Variants in SEPHS1 observed in about 807,000 individuals in gnomAD.
SEPHS1 encodes the protein zincore component SEPHS1.
In SEPHS1, 7 loss-of-function variants were observed where a neutral mutation model predicts 39.2. The ratio of observed to expected loss-of-function variants is 0.18; its 90% CI spans 0.10 to 0.34. SEPHS1 has a LOEUF of 0.34. SEPHS1 is among the 10% of genes least tolerant of loss of function. The pLI is 1.00. For missense variants in SEPHS1, 253 were observed against 514.5 expected (o/e 0.49, Z 4.92); for synonymous variants, 190 against 195.5 (o/e 0.97, Z 0.23).
intron 7 of SEPHS1, among the ~76,000 whole-genome samples, chr10:13,325,038 C>CTT (rs769113016): frequency 8.3e-4 from 126 of 152,106 alleles, no homozygotes; most frequent in Middle Eastern, 6.8e-3. Context: ...TTTAAGAGTC[C>CTT]TTTGTATATT....
intron 8 of SEPHS1, among the ~76,000 whole-genome samples, chr10:13,322,327 G>GA (rs1833142401): frequency 1.3e-5 from 2 of 151,572 alleles, no homozygotes; most frequent in African/African-American, 4.8e-5. Context: ...TGTATTTTTA[G>GA]TGAAGATGGG....
intron 5 of SEPHS1, among the ~76,000 whole-genome samples, chr10:13,332,805 T>C (rs1265684457): frequency 1.3e-5 from 2 of 150,516 alleles, no homozygotes; most frequent in African/African-American, 2.5e-5. Context: ...ATCATACCAC[T>C]GCACTCCAGC....
intron 7 of SEPHS1, among the ~76,000 whole-genome samples, chr10:13,325,391 T>A (rs1269148695): frequency 6.6e-6 from 1 of 152,004 alleles, no homozygotes; most frequent in Non-Finnish European, 1.5e-5. Flanking sequence ...TGGTGGGAGG[T>A]GACTGAATCA....
chr10:13,339,971 T>C (rs1320646784), intron 2 of SEPHS1, among the ~76,000 whole-genome samples: 1 of 152,128 alleles, frequency 6.6e-6, no homozygotes, highest in Non-Finnish European at 1.5e-5. Flanking sequence ...TGCAGCCCAA[T>C]AGCCAAAAGC....
Position 13,348,163 on chromosome 10 carries a change from G to A in SEPHS1, c.-242C>T, listed in dbSNP as rs1833995418. 1.4e-5 allele frequency: 2 copies of A among 144,486 alleles called. No homozygotes were observed. Among genetic ancestry groups the A allele is most frequent in the African/African-American group, 2.5e-5 (1 of 40,424 alleles). 9.0% of individuals were successfully genotyped at this position (144,486 alleles called of 1,614,324 possible). ...CCGGGCCCGCGCCTGGGCGCCGCGGGGGCTCGCCTGCCTCGGCGCGGCCCT... is the reference window on the plus strand; with the variant it reads ...CCGGGCCCGCGCCTGGGCGCCGCGGAGGCTCGCCTGCCTCGGCGCGGCCCT... On this transcript the variant is annotated 5_prime_UTR_variant, in exon 1 of 9. Coordinates refer to ENST00000327347, the MANE Select transcript of SEPHS1 (RefSeq NM_012247.5).
chr10:13,347,040 G>C (rs1341270431), intron 1 of SEPHS1, among the ~76,000 whole-genome samples: 1 of 152,162 alleles, frequency 6.6e-6, no homozygotes, highest in Non-Finnish European at 1.5e-5. Flanking sequence ...AATGTGCAGT[G>C]ATTAGGGAAC....
intron 4 of SEPHS1, 94 bp downstream of exon 4, chr10:13,336,149 C>T (rs1439236253): frequency 6.2e-6 from 5 of 802,764 alleles, no homozygotes; most frequent in Admixed American, 2.2e-5. Context: ...GGCCTGGGCT[C>T]CTCGCTTTCT....
intron 7 of SEPHS1, among the ~76,000 whole-genome samples, chr10:13,324,086 G>A (rs1833191021): frequency 6.6e-6 from 1 of 152,160 alleles, no homozygotes; most frequent in South Asian, 2.1e-4. Flanking sequence ...TGCTCTACCT[G>A]ATCCCCTTCC....
chr10:13,327,685 T>G (rs1833346350), intron 7 of SEPHS1, among the ~76,000 whole-genome samples: 1 of 152,206 alleles, frequency 6.6e-6, no homozygotes, highest in Non-Finnish European at 1.5e-5. Context: ...GAGCCAGTAC[T>G]GATCTCTTAC....
intron 4 of SEPHS1, 90 bp from the exon 5 acceptor site, chr10:13,334,061 AC>A (rs760142810): frequency 8.4e-7 from 1 of 1,196,690 alleles, no homozygotes; most frequent in Non-Finnish European, 1.2e-6. Context: ...TATAAAAAGA[AC>A]CATAAAATCC....
intron 3 of SEPHS1, among the ~76,000 whole-genome samples, chr10:13,337,426 T>A (rs1833672260): frequency 6.6e-6 from 1 of 152,220 alleles, no homozygotes; most frequent in South Asian, 2.1e-4. Context: ...TTATCTTTTA[T>A]AGACAATAAA....
At chr10:13,326,035 C>T (rs1331580681) in intron 7 of SEPHS1, among the ~76,000 whole-genome samples, 1 of 150,036 alleles carries the variant, frequency 6.7e-6, no homozygotes, top group African/African-American at 2.4e-5. Context: ...TGAAAACACA[C>T]TAAACATTCA....
intron 5 of SEPHS1, among the ~76,000 whole-genome samples, chr10:13,332,221 A>T (rs1169177650): frequency 1.3e-5 from 2 of 152,356 alleles, no homozygotes; most frequent in South Asian, 2.1e-4. Context: ...TTCATGCTAC[A>T]ACACGGATGG....
At chr10:13,334,809 A>C (rs1288164719) in intron 4 of SEPHS1, among the ~76,000 whole-genome samples, 1 of 152,256 alleles carries the variant, frequency 6.6e-6, no homozygotes, top group Non-Finnish European at 1.5e-5. Flanking sequence ...AATAAAGCCC[A>C]GACACCAACA....
At chr10:13,329,361 C>T (rs1307035541) in intron 6 of SEPHS1, among the ~76,000 whole-genome samples, 1 of 152,148 alleles carries the variant, frequency 6.6e-6, no homozygotes, top group African/African-American at 2.4e-5. Flanking sequence ...CTACGCCTTC[C>T]ACCAATTCTC....
At chr10:13,347,664 G>GGCCGCC (rs767115383) in intron 1 of SEPHS1, among the ~76,000 whole-genome samples, 3 of 146,022 alleles carry the variant, frequency 2.1e-5, no homozygotes, top group Admixed American at 1.4e-4. Context: ...CGCGCGCACG[G>GGCCGCC]GCCGCCGCCG....
At chr10:13,329,453 C>G (rs534445541) in intron 6 of SEPHS1, among the ~76,000 whole-genome samples, 15 of 152,266 alleles carry the variant, frequency 9.9e-5, no homozygotes, top group African/African-American at 3.4e-4. Context: ...AACCCCCTGC[C>G]GAGCAAATTC....
chr10:13,339,253 T>C (rs1228416590), intron 2 of SEPHS1, among the ~76,000 whole-genome samples: 1 of 152,218 alleles, frequency 6.6e-6, no homozygotes, highest in Non-Finnish European at 1.5e-5. Flanking sequence ...TCAGAAACCA[T>C]GTAAAATATT....
intron 7 of SEPHS1, among the ~76,000 whole-genome samples, chr10:13,326,441 T>C (rs1833294107): frequency 6.6e-6 from 1 of 150,522 alleles, no homozygotes; most frequent in African/African-American, 2.4e-5. Context: ...GCCACTGCAC[T>C]TCAGCCTGGG....
Sources: gnomAD v4.1 joint callset for allele counts (sites outside exome capture counted in the v4.1 genomes callset) on GRCh38, gnomAD v4.1.1 for gene constraint, MANE v1.5 for transcripts, NCBI Gene and HGNC (gene_info 2026-07-23, HGNC 2026-07-21) for gene names.